Variants in TLN2 observed in about 807,000 individuals in gnomAD.
The protein encoded by TLN2 is talin-2.
In TLN2, 118 loss-of-function variants were observed where a neutral mutation model predicts 294.7. The observed-to-expected ratio is 0.40, with a 90% CI of 0.34 to 0.47. TLN2 has a LOEUF of 0.47. TLN2 is among the 20% of genes least tolerant of loss of function. The pLI is 0.84. For missense variants in TLN2, 3,083 were observed against 3,282.2 expected, an observed-to-expected ratio of 0.94 and a Z score of 1.48; for synonymous variants, 1,431 against 1,304.5, an observed-to-expected ratio of 1.10 and a Z score of -2.09.
chr15:62,503,960 A>T (rs2039445294), intron 1 of TLN2, among the ~76,000 whole-genome samples: 1 of 151,616 alleles, frequency 6.6e-6, no homozygotes, highest in African/African-American at 2.4e-5. Flanking sequence ...GAGTACCGGG[A>T]TTTGGGCGCC....
chr15:62,397,630 C>G (rs1317674262), intron 1 of TLN2, among the ~76,000 whole-genome samples: 1 of 152,276 alleles, frequency 6.6e-6, no homozygotes, highest in African/African-American at 2.4e-5. Context: ...AATCTCAACC[C>G]ACTGGAAACC....
chr15:62,624,450 A>C (rs1447219119), intron 3 of TLN2, among the ~76,000 whole-genome samples: 1 of 152,200 alleles, frequency 6.6e-6, no homozygotes, highest in East Asian at 1.9e-4. Context: ...TGAAGTGGGA[A>C]GGTCTCATAG....
chr15:62,745,842 T>C (rs2140982545), intron 32 of TLN2, among the ~76,000 whole-genome samples: 1 of 152,360 alleles, frequency 6.6e-6, no homozygotes, highest in Middle Eastern at 3.4e-3. Flanking sequence ...GTATTTAGCA[T>C]GTAATCCCGA....
intron 27 of TLN2, among the ~76,000 whole-genome samples, chr15:62,725,415 G>A (rs961757929): frequency 6.6e-6 from 1 of 152,196 alleles, no homozygotes; most frequent in Non-Finnish European, 1.5e-5. Context: ...ATTATCAGCA[G>A]TCATTTTAAA....
intron 9 of TLN2, among the ~76,000 whole-genome samples, chr15:62,663,389 C>T (rs926326096): frequency 6.6e-6 from 1 of 150,684 alleles, no homozygotes; most frequent in African/African-American, 2.5e-5. Context: ...CAGAAGGATG[C>T]TTGCTCTCAG....
chr15:62,575,361 C>G (rs891751071), intron 1 of TLN2, among the ~76,000 whole-genome samples: 5 of 152,102 alleles, frequency 3.3e-5, no homozygotes, highest in Non-Finnish European at 7.4e-5. Flanking sequence ...GGCTGATAAA[C>G]TTTTGCAAAT....
intron 1 of TLN2, among the ~76,000 whole-genome samples, chr15:62,471,937 C>G (rs1414976374): frequency 6.6e-6 from 1 of 152,168 alleles, no homozygotes; most frequent in Non-Finnish European, 1.5e-5. Context: ...TTCTGCCCAG[C>G]TCGCAGTGGT....
At chr15:62,811,613 T>C (rs796544692) in intron 52 of TLN2, among the ~76,000 whole-genome samples, 2 of 152,224 alleles carry the variant, frequency 1.3e-5, no homozygotes, top group East Asian at 3.8e-4. Flanking sequence ...CACTGTGTTA[T>C]CTGGGGTGCA....
intron 34 of TLN2, 104 bp downstream of exon 34, chr15:62,750,595 C>A: frequency 2.1e-6 from 2 of 961,122 alleles, no homozygotes; most frequent in South Asian, 1.3e-5. Flanking sequence ...GTCTGCAGGG[C>A]TAGCCACATG....
At chr15:62,707,038 G>A (rs2059117690) in intron 19 of TLN2, 48 bp from the exon 20 acceptor site, 1 of 1,549,458 alleles carries the variant, frequency 6.5e-7, no homozygotes, top group African/African-American at 1.4e-5. Context: ...GGCTGTGAAA[G>A]GTGATTAGAG....
chr15:62,736,197 G>C (rs2061000869), intron 28 of TLN2, among the ~76,000 whole-genome samples: 1 of 151,996 alleles, frequency 6.6e-6, no homozygotes, highest in Admixed American at 6.6e-5. Context: ...ATGGGCATCT[G>C]TAGTCCCAGA....
chr15:62,467,131 T>C (rs2037178415), intron 1 of TLN2, among the ~76,000 whole-genome samples: 1 of 152,182 alleles, frequency 6.6e-6, no homozygotes, highest in Non-Finnish European at 1.5e-5. Context: ...GCCTGTGAAC[T>C]GGATGGATGT....
At position 62,496,618 on chromosome 15, in the gene TLN2, A is replaced by T. The variant is rs1244225361; in HGVS notation, c.-237-93069A>T. Among the ~76,000 whole-genome samples the T allele has an allele frequency of 3.9e-5, 6 of 152,360 alleles. No individual in the cohort carries two copies. In the East Asian group the frequency reaches 9.6e-4, roughly 24 times the overall value. ...TTAAAGGATGGAGAAGCCCTGCTCCAATATGGCATGTGGTATGATCAGTGC... is the reference window on the plus strand; with the variant it reads ...TTAAAGGATGGAGAAGCCCTGCTCCTATATGGCATGTGGTATGATCAGTGC... On this transcript the variant is annotated intron_variant, in intron 1 of 58. Coordinates refer to ENST00000636159, the MANE Select transcript of TLN2 (RefSeq NM_015059.3).
intron 19 of TLN2, among the ~76,000 whole-genome samples, chr15:62,703,751 T>C (rs2141106207): frequency 6.6e-6 from 1 of 152,300 alleles, no homozygotes; most frequent in East Asian, 1.9e-4. Context: ...TTTGTGACCC[T>C]TCTTTTTCAA....
chr15:62,442,017 C>T (rs1168955163), intron 1 of TLN2, among the ~76,000 whole-genome samples: 1 of 152,010 alleles, frequency 6.6e-6, no homozygotes, highest in Non-Finnish European at 1.5e-5. Flanking sequence ...TGAAGTGTTT[C>T]CTTTAGTGCT....
At chr15:62,715,024 A>G (rs570895011) in intron 22 of TLN2, among the ~76,000 whole-genome samples, 1 of 152,380 alleles carries the variant, frequency 6.6e-6, no homozygotes, top group East Asian at 1.9e-4. Flanking sequence ...ATAAACTTGC[A>G]AAAGAATCCA....
chr15:62,692,734 A>G, intron 12 of TLN2, 106 bp from the exon 13 acceptor site: 3 of 768,764 alleles, frequency 3.9e-6, no homozygotes, highest in Non-Finnish European at 6.6e-6. Context: ...GAGGAGGAGC[A>G]GGGAAAATGA....
intron 42 of TLN2, among the ~76,000 whole-genome samples, chr15:62,772,917 G>T (rs2063441385): frequency 6.6e-6 from 1 of 152,072 alleles, no homozygotes; most frequent in Non-Finnish European, 1.5e-5. Context: ...ATCCTCCTCA[G>T]CCTCCCAAAG....
intron 1 of TLN2, among the ~76,000 whole-genome samples, chr15:62,542,841 A>G (rs1006994450): frequency 3.9e-5 from 6 of 152,188 alleles, no homozygotes; most frequent in African/African-American, 1.2e-4. Flanking sequence ...AATGAACGCC[A>G]CATCAACCAT....
Sources: allele counts gnomAD v4.1 joint callset (sites outside exome capture counted in the v4.1 genomes callset), GRCh38; gene constraint gnomAD v4.1.1; transcripts MANE v1.5; gene names NCBI Gene and HGNC (gene_info 2026-07-23, HGNC 2026-07-21).